The following AGTPBP1 variants were observed in gnomAD, a reference collection of about 807,000 sequenced individuals.
AGTPBP1 encodes the protein ATP/GTP binding carboxypeptidase 1, also known as cytosolic carboxypeptidase 1.
Under a neutral mutation model 143.9 loss-of-function variants are expected in AGTPBP1, and 70 were observed. The observed-to-expected ratio is 0.49, with a 90% CI of 0.40 to 0.59. The LOEUF (loss-of-function observed/expected upper bound fraction) is 0.59. Ranked by LOEUF, AGTPBP1 falls within the 20% of genes least tolerant of loss-of-function variation. AGTPBP1 has a pLI of 0.00. For synonymous variants in AGTPBP1, 463 were observed against 500.2 expected, an observed-to-expected ratio of 0.93 and a Z score of 0.99; for missense variants, 1,229 against 1,464.5, an observed-to-expected ratio of 0.84 and a Z score of 2.62.
chr9:85,751,867 A>G, the AGTPBP1 span, among the ~76,000 whole-genome samples: 1 of 150,010 alleles, frequency 6.7e-6, no homozygotes, highest in Non-Finnish European at 1.5e-5. Flanking sequence ...TCGGCCTCCC[A>G]AAGTGCTGGA....
At chr9:85,582,013 A>G (rs1828294586) in intron 23 of AGTPBP1, among the ~76,000 whole-genome samples, 2 of 152,268 alleles carry the variant, frequency 1.3e-5, no homozygotes, top group Admixed American at 1.3e-4. Flanking sequence ...AGCATTTTAG[A>G]TAAGGGATAC....
the AGTPBP1 span, chr9:85,786,405 T>C: frequency 1.6e-5 from 26 of 1,613,934 alleles, no homozygotes; most frequent in Non-Finnish European, 2.1e-5. Context: ...ATTCAGGTTG[T>C]GGGAAATGTG....
At chr9:85,701,248 G>T (rs190720045) in intron 2 of AGTPBP1, among the ~76,000 whole-genome samples, 34 of 133,680 alleles carry the variant, frequency 2.5e-4, no homozygotes, top group Non-Finnish European at 3.5e-4. Context: ...TTTTTTTTTT[G>T]AGATGGAGTC....
chr9:85,710,958 G>C (rs769353335), intron 2 of AGTPBP1, among the ~76,000 whole-genome samples: 1 of 152,016 alleles, frequency 6.6e-6, no homozygotes, highest in African/African-American at 2.4e-5. Context: ...ACAAGTACGT[G>C]ACTAAAATCA....
chr9:85,644,973 T>A (rs80326817), intron 12 of AGTPBP1, among the ~76,000 whole-genome samples: 1 of 152,050 alleles, frequency 6.6e-6, no homozygotes. Flanking sequence ...AACAATTCCA[T>A]AGTTCTTGAA....
In AGTPBP1 at chr9:85,588,327, C is replaced by G. The variant is rs768255352; in HGVS notation, c.2874G>C (p.Met958Ile). ...CATTGATGACACCATCTGGATTTAA[C>G]ATAGGGACAATTTTAAAAATATAAG... ...RESYIFKIVPMLNPDGVINGN... is the reference protein window; with the variant it reads ...RESYIFKIVPILNPDGVINGN... The change falls in exon 21 of 26, where the codon ATG becomes ATC. Residue 958 changes from methionine (M) to isoleucine (I), a missense_variant. Physicochemically the swap from Met to Ile is conservative, Grantham distance 10 (BLOSUM62 1). Around this residue, in one of 2 missense-constraint regions of AGTPBP1, gnomAD observed 486 missense variants for 652.3 expected, o/e 0.75. Coordinates refer to ENST00000357081, the MANE Select transcript of AGTPBP1 (RefSeq NM_001330701.2). 6.2e-7 allele frequency: 1 copy of G among 1,609,836 alleles called. No individual in the cohort carries two copies. The highest frequency in any genetic ancestry group is 8.5e-7 in the Non-Finnish European group (1 of 1,178,416).
the AGTPBP1 span, among the ~76,000 whole-genome samples, chr9:85,776,717 C>T: frequency 5.9e-5 from 9 of 152,198 alleles, no homozygotes; most frequent in Non-Finnish European, 1.0e-4. Context: ...GCAATCTTAA[C>T]TTTCAGTTTA....
chr9:85,630,973 T>C (rs1831636970), intron 14 of AGTPBP1, among the ~76,000 whole-genome samples: 2 of 152,230 alleles, frequency 1.3e-5, no homozygotes, highest in African/African-American at 2.4e-5. Context: ...GGCTAATCAC[T>C]GGATTGCCTA....
At chr9:85,777,756 G>T in the AGTPBP1 span, among the ~76,000 whole-genome samples, 1 of 152,252 alleles carries the variant, frequency 6.6e-6, no homozygotes, top group Admixed American at 6.5e-5. Context: ...CTTCTTCCAA[G>T]TCCCTGACCA....
rs534403741 is a variant in AGTPBP1, at chr9:85,628,557, GAAAACATCTCT to G, written c.2015+4094_2015+4104del. On this transcript the variant is annotated intron_variant, in intron 14 of 25. Transcript: ENST00000357081. ...CCATCAAGGTCGTGAAAATCAAAGA[GAAAACATCTCT>G]ATAGGGAAAGAAATCTTTGAAACTT... Among the ~76,000 whole-genome samples, 14 of 152,292 alleles carry G rather than the reference GAAAACATCTCT, an allele frequency of 9.2e-5. 1 individual carries two copies. In the South Asian group the frequency reaches 1.5e-3, roughly 16 times the overall value.
At chr9:85,709,609 T>G (rs1478108168) in intron 2 of AGTPBP1, among the ~76,000 whole-genome samples, 1 of 152,070 alleles carries the variant, frequency 6.6e-6, no homozygotes, top group Non-Finnish European at 1.5e-5. Flanking sequence ...TTCTATACTG[T>G]TGTATAGAAG....
chr9:85,695,472 G>A (rs911009612), intron 2 of AGTPBP1, among the ~76,000 whole-genome samples: 1 of 152,184 alleles, frequency 6.6e-6, no homozygotes, highest in Non-Finnish European at 1.5e-5. Context: ...TTGACACTGT[G>A]TGGACATTTG....
At chr9:85,671,788 C>A (rs534141321) in intron 7 of AGTPBP1, among the ~76,000 whole-genome samples, 1 of 152,306 alleles carries the variant, frequency 6.6e-6, no homozygotes, top group African/African-American at 2.4e-5. Flanking sequence ...GCCCTCTTCT[C>A]TCTAGCTTCT....
At chr9:85,718,278 C>T (rs1837852030) in intron 1 of AGTPBP1, among the ~76,000 whole-genome samples, 1 of 152,200 alleles carries the variant, frequency 6.6e-6, no homozygotes. Context: ...CTAATTTACA[C>T]TCCCACCAAC....
chr9:85,764,033 C>CTTTA, the AGTPBP1 span, among the ~76,000 whole-genome samples: 468 of 152,204 alleles, frequency 3.1e-3, 2 homozygotes, highest in African/African-American at 0.011. Flanking sequence ...TATGTTTAAA[C>CTTTA]ACACCACATC....
intron 1 of AGTPBP1, 189 bp downstream of exon 1, chr9:85,741,586 C>T (rs1255421560): frequency 1.0e-6 from 1 of 985,284 alleles, no homozygotes; most frequent in African/African-American, 1.7e-5. Flanking sequence ...CAGGGCTTTC[C>T]CTCAAGACCG....
intron 8 of AGTPBP1, among the ~76,000 whole-genome samples, chr9:85,664,279 A>G (rs932761518): frequency 5.3e-5 from 8 of 152,088 alleles, no homozygotes; most frequent in Non-Finnish European, 8.8e-5. Flanking sequence ...ATCCAAGACC[A>G]CATTACGATT....
At chr9:85,724,024 T>C (rs781695511) in intron 1 of AGTPBP1, among the ~76,000 whole-genome samples, 13 of 152,078 alleles carry the variant, frequency 8.5e-5, no homozygotes, top group Non-Finnish European at 1.6e-4. Context: ...CGGTGGCTCA[T>C]GCCTATAATC....
At chr9:85,656,893 C>T (rs777405048) in intron 10 of AGTPBP1, among the ~76,000 whole-genome samples, 14 of 152,152 alleles carry the variant, frequency 9.2e-5, no homozygotes, top group Non-Finnish European at 2.1e-4. Flanking sequence ...ACACCGAGTA[C>T]AGCCAACTAC....
Sources: gnomAD v4.1 joint callset for allele counts (sites outside exome capture counted in the v4.1 genomes callset) on GRCh38, gnomAD v4.1.1 for gene constraint, gnomAD v4.1.1 regional missense constraint, MANE v1.5 for transcripts, NCBI Gene and HGNC (gene_info 2026-07-23, HGNC 2026-07-21) for gene names.